Variants in MYO3A observed in about 807,000 individuals in gnomAD.
MYO3A encodes the protein myosin IIIA, also known as myosin-IIIa.
In MYO3A, 180 loss-of-function variants were observed where a neutral mutation model predicts 192.7. The observed-to-expected ratio is 0.93, with a 90% confidence interval of 0.83 to 1.06. MYO3A has a LOEUF of 1.06. Ranked by LOEUF, MYO3A falls within the 50% of genes least tolerant of loss-of-function variation. The pLI, the probability that MYO3A is intolerant of heterozygous loss-of-function variation, is 0.00. For missense variants in MYO3A, 1,896 were observed against 1,905.0 expected (o/e 1.00, Z 0.09); for synonymous variants, 628 against 645.3 (o/e 0.97, Z 0.41).
chr10:25,996,340 C>G, intron 4 of MYO3A, 150 bp from the exon 5 acceptor site: 1 of 647,380 alleles, frequency 1.5e-6, no homozygotes, highest in Non-Finnish European at 2.7e-6. Context: ...TTTATATATT[C>G]ATTTTATTTA....
At position 25,963,160 on chromosome 10, in the gene MYO3A, CA is replaced by C. The variant is rs536911485; in HGVS notation, c.303+8154del. On this transcript the variant is annotated intron_variant, in intron 4 of 34. Transcript: ENST00000642920. ...TTTTCTCATTGCTCCCCAATTATAG[CA>C]ATTTTTCTCTTTGAAATTATATCCT... Among the ~76,000 whole-genome samples, 61 of 152,284 alleles carry C rather than the reference CA, an allele frequency of 4.0e-4. No individual in the cohort carries two copies. In the East Asian group the frequency reaches 9.5e-3, roughly 24 times the overall value.
chr10:26,161,976 T>C (rs375702763), intron 26 of MYO3A, among the ~76,000 whole-genome samples: 2 of 152,014 alleles, frequency 1.3e-5, no homozygotes, highest in East Asian at 3.9e-4. Context: ...CAAATCTTAA[T>C]TGAAAGATTC....
rs116481149 is a variant in MYO3A at position 26,083,270 on chromosome 10, T to C, written c.1360-4933T>C. Among the ~76,000 whole-genome samples, 1,268 of 152,314 alleles carry C rather than the reference T, an allele frequency of 8.3e-3. 16 individuals are homozygous for C. Among genetic ancestry groups the C allele is most frequent in the African/African-American group, 0.028 (1,148 of 41,576 alleles). Reference sequence around the variant, plus strand: ...GGGTAGCATATACAACATGGATACATTGGGCAAAGGAAGGATTCACTTTCC... The same window carrying C: ...GGGTAGCATATACAACATGGATACACTGGGCAAAGGAAGGATTCACTTTCC... On this transcript the variant is annotated intron_variant, in intron 14 of 34. Coordinates refer to ENST00000642920, the MANE Select transcript of MYO3A (RefSeq NM_017433.5).
chr10:26,072,108 C>A lies in MYO3A; in HGVS notation c.1359+1707C>A, dbSNP rs182790727. 3.9e-5 allele frequency among the ~76,000 whole-genome samples: 6 copies of A among 152,178 alleles called. No homozygotes were observed. In the East Asian group the frequency reaches 1.2e-3, roughly 29 times the overall value. ...AGGAACTTGCCCAACACTTATGAAA[C>A]CATCAGATCTTGTGAGAATTCACTC... On this transcript the variant is annotated intron_variant, in intron 14 of 34. Transcript: ENST00000642920.
intron 31 of MYO3A, among the ~76,000 whole-genome samples, chr10:26,178,636 A>T (rs532778927): frequency 6.6e-6 from 1 of 152,190 alleles, no homozygotes; most frequent in East Asian, 1.9e-4. Context: ...ATAACATCTA[A>T]ATCTTCTGAT....
intron 10 of MYO3A, among the ~76,000 whole-genome samples, chr10:26,027,668 A>G (rs1842617168): frequency 1.3e-5 from 2 of 152,224 alleles, no homozygotes; most frequent in African/African-American, 4.8e-5. Context: ...CATTTTTAAA[A>G]CAAAATTGGA....
chr10:26,068,882 A>G lies in MYO3A; in HGVS notation c.1168A>G (p.Lys390Glu). The G allele has an allele frequency of 6.4e-7, 1 of 1,555,088 alleles. No homozygotes were observed. The highest frequency in any genetic ancestry group is 8.9e-7 in the Non-Finnish European group (1 of 1,126,604). ...PFQSLGLYST[K>E]HSKLYIGSKR... Reference sequence around the variant, plus strand: ...TCAGAGTCTGGGTCTTTACTCCACAAAGGTATGTCGTATGGGGTGCATTCT... The same window carrying G: ...TCAGAGTCTGGGTCTTTACTCCACAGAGGTATGTCGTATGGGGTGCATTCT... The change falls in exon 12 of 35, where the codon AAG becomes GAG. Residue 390 changes from lysine (K) to glutamate (E), a missense_variant and splice_region_variant. Coordinates refer to ENST00000642920, the MANE Select transcript of MYO3A (RefSeq NM_017433.5).
intron 22 of MYO3A, among the ~76,000 whole-genome samples, chr10:26,146,430 A>G (rs972015478): frequency 2.0e-5 from 3 of 152,166 alleles, no homozygotes; most frequent in South Asian, 2.1e-4. Context: ...AACAACAGAA[A>G]TTTATTTTTT....
chr10:26,144,084 A>C (rs1840319481), intron 21 of MYO3A, among the ~76,000 whole-genome samples: 1 of 152,212 alleles, frequency 6.6e-6, no homozygotes. Flanking sequence ...AATAATCCTA[A>C]GTCATCAAAG....
At chr10:26,043,149 GTCTCTC>G (rs59621862) in intron 10 of MYO3A, among the ~76,000 whole-genome samples, 2,048 of 143,364 alleles carry the variant, frequency 0.014, 17 homozygotes, top group African/African-American at 0.019. Context: ...GCCAAACAGA[GTCTCTC>G]TCTCTCTCTC....
chr10:25,962,109 T>G (rs916285685), intron 4 of MYO3A, among the ~76,000 whole-genome samples: 1 of 152,164 alleles, frequency 6.6e-6, no homozygotes, highest in African/African-American at 2.4e-5. Flanking sequence ...GAAAAATCAC[T>G]TTACTTATAT....
chr10:25,945,177 T>G (rs1485864548), intron 2 of MYO3A, among the ~76,000 whole-genome samples: 2 of 152,088 alleles, frequency 1.3e-5, no homozygotes, highest in African/African-American at 4.8e-5. Context: ...TTTCTACATA[T>G]TTGTGGATTT....
chr10:26,194,109 C>G (rs942363834), intron 32 of MYO3A, among the ~76,000 whole-genome samples: 1 of 152,170 alleles, frequency 6.6e-6, no homozygotes, highest in Admixed American at 6.5e-5. Flanking sequence ...TCATTTCCCC[C>G]CTCTAATCTC....
rs148087405 is a variant in MYO3A, at chr10:26,003,529, C to T, written c.508+6271C>T. On this transcript the variant is annotated intron_variant, in intron 6 of 34. Transcript: ENST00000642920. ...TGGGGTATACTTTTACAAAAAATCA[C>T]CAGATACCTCAGAGAGCAAAATGAC... Among the ~76,000 whole-genome samples the T allele has an allele frequency of 2.1e-3, 318 of 152,078 alleles. 2 individuals are homozygous for T. Among genetic ancestry groups the T allele is most frequent in the African/African-American group, 7.5e-3 (309 of 41,474 alleles).
chr10:25,938,186 ACTGTGTATGGTC>A (rs1836235049), intron 2 of MYO3A, among the ~76,000 whole-genome samples: 1 of 152,194 alleles, frequency 6.6e-6, no homozygotes, highest in African/African-American at 2.4e-5. Context: ...GGGTGTAGTA[ACTGTGTATGGTC>A]CTGCTGATAT....
chr10:26,207,405 G>A (rs1249221371), intron 34 of MYO3A, among the ~76,000 whole-genome samples: 1 of 152,136 alleles, frequency 6.6e-6, no homozygotes, highest in Non-Finnish European at 1.5e-5. Flanking sequence ...CATGTCTAAT[G>A]TTTAAGTCTC....
At position 26,096,418 on chromosome 10, in the gene MYO3A, G is replaced by T. The variant is rs1441158120; in HGVS notation, c.1600G>T (p.Ala534Ser). ...KNFHIFYYIY[A>S]GLAEKKKLAH... is the part of the protein sequence containing the mutation. The stretch of plus-strand genomic sequence containing the variant: ...TTTTCATATTTTTTACTACATTTAT[G>T]CTGGTTTGGCTGAAAAGAAGAAACT... Residue 534 changes from alanine to serine, a missense_variant, in exon 16 of 35, where the codon GCT becomes TCT. By Grantham distance (99) the Ala-to-Ser change is moderately conservative (BLOSUM62 1). Transcript: ENST00000642920. The T allele has an allele frequency of 2.2e-5, 35 of 1,613,092 alleles. No individual in the cohort carries two copies. The highest frequency in any genetic ancestry group is 2.9e-5 in the Non-Finnish European group (34 of 1,179,762).
Position 26,008,358 on chromosome 10 carries a change from G to T in MYO3A, c.509-8462G>T, listed in dbSNP as rs985137388. ...CATATCTAAAACACCAAAAGCAATG[G>T]CAACAAAAGCCAAAATTGACAAATG... is the stretch of plus-strand genomic sequence containing the variant. On this transcript the variant is annotated intron_variant, in intron 6 of 34. Coordinates refer to ENST00000642920, the MANE Select transcript of MYO3A (RefSeq NM_017433.5). Among the ~76,000 whole-genome samples, 4 of 148,350 alleles carry T rather than the reference G, an allele frequency of 2.7e-5. 1 individual carries two copies. Among genetic ancestry groups the T allele is most frequent in the African/African-American group, 7.8e-5 (3 of 38,504 alleles).
At chr10:25,943,728 A>G (rs927965769) in intron 2 of MYO3A, among the ~76,000 whole-genome samples, 2 of 149,934 alleles carry the variant, frequency 1.3e-5, no homozygotes, top group Non-Finnish European at 3.0e-5. Context: ...TTGATTTTGT[A>G]TCCTGCAGCT....
Sources: allele counts gnomAD v4.1 joint callset (sites outside exome capture counted in the v4.1 genomes callset), GRCh38; gene constraint gnomAD v4.1.1; transcripts MANE v1.5; gene names NCBI Gene and HGNC (gene_info 2026-07-23, HGNC 2026-07-21).